Variants in SEMA5A observed in about 807,000 individuals in gnomAD.
SEMA5A encodes the protein semaphorin-5A.
Under a neutral mutation model 135.5 loss-of-function variants are expected in SEMA5A, and 55 were observed. The ratio of observed to expected loss-of-function variants is 0.41; its 90% CI spans 0.33 to 0.51. The LOEUF (loss-of-function observed/expected upper bound fraction) is 0.51, where lower values mean the gene tolerates loss of function less well. Among genes scored for constraint, SEMA5A ranks in the 20% least tolerant of loss-of-function variants. The probability of loss-of-function intolerance (pLI) is 0.37; values close to 1 mark genes in which losing one functional copy is unlikely to be tolerated. For synonymous variants in SEMA5A, 580 were observed against 546.5 expected (o/e 1.06, Z -0.85); for missense variants, 1,290 against 1,419.9 (o/e 0.91, Z 1.47).
chr5:9,048,057 C>T (rs539866281), intron 21 of SEMA5A, among the ~76,000 whole-genome samples: 2 of 152,260 alleles, frequency 1.3e-5, no homozygotes, highest in South Asian at 2.1e-4. Context: ...TCAGGCTCTG[C>T]ATGGCCTCCC....
intron 5 of SEMA5A, among the ~76,000 whole-genome samples, chr5:9,245,998 AAG>A (rs1748463027): frequency 6.6e-6 from 1 of 152,142 alleles, no homozygotes; most frequent in South Asian, 2.1e-4. Context: ...AGAGAGAGAG[AAG>A]AAAAACAGTA....
chr5:9,397,060 A>G (rs1448427024), intron 2 of SEMA5A, among the ~76,000 whole-genome samples: 1 of 152,186 alleles, frequency 6.6e-6, no homozygotes, highest in African/African-American at 2.4e-5. Flanking sequence ...CAAAAAAAAA[A>G]AATAGGACCA....
At position 9,289,754 on chromosome 5, in the gene SEMA5A, A is replaced by G. The variant is rs367967266; in HGVS notation, c.270+28618T>C. ...TTTCAACTTCATCTGCCAATTAGAC[A>G]ATGTTTTTTGTTGAAATTTGCCAAG... On this transcript the variant is annotated intron_variant, in intron 5 of 22. Transcript: ENST00000382496. Among the ~76,000 whole-genome samples, 5 of 152,164 alleles carry G rather than the reference A, an allele frequency of 3.3e-5. No homozygotes were observed. In the East Asian group the frequency reaches 5.8e-4, roughly 18 times the overall value.
intron 2 of SEMA5A, among the ~76,000 whole-genome samples, chr5:9,420,686 C>T (rs1260000473): frequency 6.6e-6 from 1 of 152,136 alleles, no homozygotes; most frequent in African/African-American, 2.4e-5. Flanking sequence ...TTACTTGTCA[C>T]CAGGCCTCTG....
In SEMA5A at chr5:9,484,890, G is replaced by A. The variant is rs1004935247; in HGVS notation, c.-174-47038C>T. Among the ~76,000 whole-genome samples the A allele has an allele frequency of 2.4e-4, 36 of 152,174 alleles. No individual in the cohort carries two copies. The South Asian group carries it at 3.1e-3, about 13-fold the overall frequency. On this transcript the variant is annotated intron_variant, in intron 1 of 22. Transcript: ENST00000382496. The stretch of plus-strand genomic sequence containing the variant: ...ATTACACAAGTGCCCCAGAGTCAGC[G>A]TAGTATCTATCCAACAGACACCCAT...
At chr5:9,347,943 G>C (rs750565487) in intron 3 of SEMA5A, among the ~76,000 whole-genome samples, 2 of 152,174 alleles carry the variant, frequency 1.3e-5, no homozygotes, top group Non-Finnish European at 2.9e-5. Flanking sequence ...ACAGGGGTGG[G>C]ATTAATAAAT....
intron 21 of SEMA5A, among the ~76,000 whole-genome samples, chr5:9,047,712 A>G (rs1019871196): frequency 2.6e-5 from 4 of 152,226 alleles, no homozygotes; most frequent in African/African-American, 9.6e-5. Flanking sequence ...ACTGTTTTCA[A>G]CCATTAGCCC....
intron 1 of SEMA5A, among the ~76,000 whole-genome samples, chr5:9,467,438 G>C (rs2126744491): frequency 6.6e-6 from 1 of 152,268 alleles, no homozygotes; most frequent in South Asian, 2.1e-4. Context: ...GGCCTGATGA[G>C]CCTTTGCTTA....
chr5:9,306,733 T>C (rs1039248608), intron 5 of SEMA5A, among the ~76,000 whole-genome samples: 1 of 152,200 alleles, frequency 6.6e-6, no homozygotes, highest in Non-Finnish European at 1.5e-5. Context: ...CCCTGTTCTA[T>C]AAGGAGAGCT....
chr5:9,500,135 A>T (rs1421786100), intron 1 of SEMA5A, among the ~76,000 whole-genome samples: 1 of 152,218 alleles, frequency 6.6e-6, no homozygotes, highest in African/African-American at 2.4e-5. Context: ...AGTTATTGTC[A>T]ATGGGCCAAC....
chr5:9,480,674 AG>A (rs1245990196), intron 1 of SEMA5A, among the ~76,000 whole-genome samples: 1 of 152,146 alleles, frequency 6.6e-6, no homozygotes, highest in Non-Finnish European at 1.5e-5. Context: ...CCTTCAGAGG[AG>A]GGAAACAGGC....
intron 5 of SEMA5A, among the ~76,000 whole-genome samples, chr5:9,259,376 T>G (rs557510637): frequency 1.3e-5 from 2 of 152,252 alleles, no homozygotes; most frequent in African/African-American, 4.8e-5. Context: ...AGTGAGATTC[T>G]TAATCCTGAG....
At chr5:9,080,421 A>T (rs1190567717) in intron 16 of SEMA5A, among the ~76,000 whole-genome samples, 2 of 152,168 alleles carry the variant, frequency 1.3e-5, no homozygotes, top group East Asian at 3.9e-4. Context: ...GAGGTATAGC[A>T]TTAGGAGAAA....
intron 1 of SEMA5A, among the ~76,000 whole-genome samples, chr5:9,520,290 C>T (rs946153153): frequency 6.6e-6 from 1 of 152,180 alleles, no homozygotes; most frequent in Non-Finnish European, 1.5e-5. Flanking sequence ...CCTCGTGGGA[C>T]CCACACTCCA....
intron 4 of SEMA5A, among the ~76,000 whole-genome samples, chr5:9,321,685 A>G (rs1451153566): frequency 6.6e-6 from 1 of 152,180 alleles, no homozygotes; most frequent in African/African-American, 2.4e-5. Context: ...TAATTTTGTC[A>G]TTGGTCCTGG....
At position 9,066,552 on chromosome 5, in the gene SEMA5A, C is replaced by A; in HGVS notation, c.2168G>T (p.Gly723Val). ...GTATCGGAATCGTTGCTCATAGTGG[C>A]CGCCGTTGTCAGAGATGTTGACAGG... ...WTPVNISDNG[G>V]HYEQRFRYTC... The change falls in exon 17 of 23, where the codon GGC becomes GTC. Residue 723 changes from glycine (G) to valine (V), a missense_variant. Coordinates refer to ENST00000382496, the MANE Select transcript of SEMA5A (RefSeq NM_003966.3). The A allele has an allele frequency of 6.2e-7, 1 of 1,614,154 alleles. No homozygotes were observed. Among genetic ancestry groups the A allele is most frequent in the Non-Finnish European group, 8.5e-7 (1 of 1,180,034 alleles).
intron 2 of SEMA5A, among the ~76,000 whole-genome samples, chr5:9,402,193 G>C (rs894794611): frequency 1.3e-5 from 2 of 152,330 alleles, no homozygotes; most frequent in African/African-American, 4.8e-5. Context: ...CCAGGGACTA[G>C]TAAGTTCTGC....
At chr5:9,489,962 G>A (rs1211512511) in intron 1 of SEMA5A, among the ~76,000 whole-genome samples, 2 of 152,110 alleles carry the variant, frequency 1.3e-5, no homozygotes, top group African/African-American at 4.8e-5. Flanking sequence ...ATGTGATTTT[G>A]CAGAAGACAT....
chr5:9,291,193 G>T (rs1213195963), intron 5 of SEMA5A, among the ~76,000 whole-genome samples: 2 of 152,190 alleles, frequency 1.3e-5, no homozygotes, highest in Admixed American at 6.5e-5. Context: ...ACTGGAGTCA[G>T]AATCAATGAG....
Sources: gnomAD v4.1 joint callset for allele counts (sites outside exome capture counted in the v4.1 genomes callset) on GRCh38, gnomAD v4.1.1 for gene constraint, MANE v1.5 for transcripts, NCBI Gene and HGNC (gene_info 2026-07-23, HGNC 2026-07-21) for gene names.